PHACTR1: variants seen among roughly 807,000 people sequenced by gnomAD.
PHACTR1 encodes phosphatase and actin regulator 1, also known as RPEL repeat containing 1.
In PHACTR1, 16 loss-of-function variants were observed where a neutral mutation model predicts 69.2. The observed-to-expected ratio is 0.23, with a 90% CI of 0.16 to 0.35. The LOEUF (loss-of-function observed/expected upper bound fraction) is 0.35. Ranked by LOEUF, PHACTR1 falls within the 10% of genes least tolerant of loss-of-function variation. The probability of loss-of-function intolerance (pLI) is 1.00; values close to 1 mark genes in which losing one functional copy is unlikely to be tolerated. For missense variants in PHACTR1, 510 were observed against 734.7 expected (o/e 0.69, Z 3.54); for synonymous variants, 312 against 284.5 (o/e 1.10, Z -0.97).
chr6:13,272,738 G>C lies in PHACTR1; in HGVS notation c.1392-122G>C, dbSNP rs528126949. On this transcript the variant is annotated intron_variant, in intron 10 of 14. Coordinates refer to ENST00000332995, the MANE Select transcript of PHACTR1 (RefSeq NM_030948.6). ...TGGTGGCGAGAGTCAGTCTTTCAGA[G>C]CACAGGATGGAACAAGAACTCCAGC... is the stretch of plus-strand genomic sequence containing the variant. 3.3e-5 allele frequency: 53 copies of C among 1,609,684 alleles called. No homozygotes were observed. In the South Asian group the frequency reaches 5.5e-4, roughly 17 times the overall value.
chr6:12,871,395 T>G (rs1782012086), intron 4 of PHACTR1, among the ~76,000 whole-genome samples: 1 of 152,180 alleles, frequency 6.6e-6, no homozygotes, highest in Non-Finnish European at 1.5e-5. Flanking sequence ...ATCATGATCC[T>G]AAAAGAGATG....
At chr6:12,818,741 G>A (rs1221521004) in intron 4 of PHACTR1, among the ~76,000 whole-genome samples, 1 of 152,178 alleles carries the variant, frequency 6.6e-6, no homozygotes, top group Non-Finnish European at 1.5e-5. Flanking sequence ...AGAATACAGA[G>A]TCATCATCTG....
At position 13,174,815 on chromosome 6, in the gene PHACTR1, A is replaced by G. The variant is rs115116125; in HGVS notation, c.497-7704A>G. Among the ~76,000 whole-genome samples, 401 of 152,184 alleles carry G rather than the reference A, an allele frequency of 2.6e-3. 2 individuals are homozygous for G. Among genetic ancestry groups the G allele is most frequent in the African/African-American group, 9.3e-3 (385 of 41,512 alleles). The stretch of plus-strand genomic sequence containing the variant: ...TTCACACAAGTTATTTAACTTTCTA[A>G]TGTTCACTTTTCTCTAAACAATGAG... On this transcript the variant is annotated intron_variant, in intron 6 of 14. Coordinates refer to ENST00000332995, the MANE Select transcript of PHACTR1 (RefSeq NM_030948.6).
chr6:12,965,788 C>G (rs1432252262), intron 4 of PHACTR1, among the ~76,000 whole-genome samples: 2 of 152,186 alleles, frequency 1.3e-5, no homozygotes, highest in African/African-American at 4.8e-5. Flanking sequence ...TCAGTATTCA[C>G]TACTTCAGTG....
chr6:13,056,592 T>G (rs1027518143), intron 5 of PHACTR1, among the ~76,000 whole-genome samples: 1 of 152,218 alleles, frequency 6.6e-6, no homozygotes, highest in Admixed American at 6.5e-5. Context: ...AGGCAGTCTT[T>G]ATTCAACACC....
intron 4 of PHACTR1, among the ~76,000 whole-genome samples, chr6:12,923,975 C>T (rs930870710): frequency 6.6e-6 from 1 of 152,154 alleles, no homozygotes; most frequent in Non-Finnish European, 1.5e-5. Context: ...AGCTTCTGTT[C>T]GTGGTAATAA....
Position 13,228,026 on chromosome 6 carries a change from G to C in PHACTR1, c.1197G>C (p.Glu399Asp). 1.2e-6 allele frequency: 2 copies of C among 1,613,862 alleles called. No homozygotes were observed. Among genetic ancestry groups the C allele is most frequent in the African/African-American group, 2.7e-5 (2 of 75,064 alleles). Residue 399 changes from glutamate (E) to aspartate (D), a missense_variant, in exon 9 of 15, where the codon GAG (glutamate) becomes GAC (aspartate). Coordinates refer to ENST00000332995, the MANE Select transcript of PHACTR1 (RefSeq NM_030948.6). ...TGTATACAAGAGAAGAGGAGGAAGA[G>C]GAGGAGGACGAAGACGACGACAGCT... ...SCLYTREEEE[E>D]EEDEDDDSSL...
chr6:13,180,911 A>C (rs1019671440), intron 6 of PHACTR1, among the ~76,000 whole-genome samples: 49 of 152,088 alleles, frequency 3.2e-4, no homozygotes, highest in Admixed American at 9.2e-4. Flanking sequence ...TTGCTTTCTT[A>C]TTAATTAGTA....
chr6:13,107,917 C>T (rs774528124), intron 5 of PHACTR1, among the ~76,000 whole-genome samples: 12 of 151,762 alleles, frequency 7.9e-5, no homozygotes, highest in Non-Finnish European at 1.6e-4. Context: ...TTATTATTTC[C>T]TTTTCCTCTA....
At chr6:12,964,180 G>C (rs969846914) in intron 4 of PHACTR1, among the ~76,000 whole-genome samples, 5 of 152,114 alleles carry the variant, frequency 3.3e-5, no homozygotes, top group Non-Finnish European at 5.9e-5. Flanking sequence ...ATTATCTACT[G>C]TTCTAAAGAC....
chr6:12,725,226 T>C (rs1762629932), intron 3 of PHACTR1, among the ~76,000 whole-genome samples: 1 of 152,202 alleles, frequency 6.6e-6, no homozygotes, highest in South Asian at 2.1e-4. Flanking sequence ...TTTTGAGTCT[T>C]CAGCTTTGAG....
At chr6:12,866,154 T>C (rs1028374775) in intron 4 of PHACTR1, among the ~76,000 whole-genome samples, 1 of 152,188 alleles carries the variant, frequency 6.6e-6, no homozygotes, top group Admixed American at 6.5e-5. Flanking sequence ...ACCATAATGA[T>C]AATAATGCCA....
At chr6:13,185,749 C>A (rs1762752016) in intron 7 of PHACTR1, among the ~76,000 whole-genome samples, 1 of 152,204 alleles carries the variant, frequency 6.6e-6, no homozygotes, top group Non-Finnish European at 1.5e-5. Context: ...ATAATAGTTT[C>A]ACCTGATGCT....
chr6:12,911,345 C>CA (rs911052120), intron 4 of PHACTR1, among the ~76,000 whole-genome samples: 55 of 150,270 alleles, frequency 3.7e-4, no homozygotes, highest in African/African-American at 1.1e-3. Context: ...TTGTGTCTTC[C>CA]AAAAAAAAAG....
intron 10 of PHACTR1, among the ~76,000 whole-genome samples, chr6:13,257,987 G>T (rs914626606): frequency 6.6e-6 from 1 of 152,148 alleles, no homozygotes; most frequent in Non-Finnish European, 1.5e-5. Context: ...ACCACGCTGT[G>T]AGAAGCACTG....
intron 3 of PHACTR1, among the ~76,000 whole-genome samples, chr6:12,724,745 A>G (rs1762565921): frequency 6.6e-6 from 1 of 152,200 alleles, no homozygotes; most frequent in South Asian, 2.1e-4. Flanking sequence ...CACACAGCTT[A>G]AAAGAGGACA....
intron 4 of PHACTR1, among the ~76,000 whole-genome samples, chr6:12,936,546 C>T (rs1789473343): frequency 6.6e-6 from 1 of 152,202 alleles, no homozygotes; most frequent in Non-Finnish European, 1.5e-5. Context: ...TGACTGTTTA[C>T]ATCTGAGTGT....
chr6:13,281,072 G>A, intron 12 of PHACTR1: 1 of 1,289,604 alleles, frequency 7.8e-7, no homozygotes, highest in African/African-American at 1.5e-5. Context: ...TGGAAAGACG[G>A]TGTCCAAGGC....
At chr6:12,840,865 A>T (rs1043791476) in intron 4 of PHACTR1, among the ~76,000 whole-genome samples, 10 of 152,344 alleles carry the variant, frequency 6.6e-5, no homozygotes, top group Admixed American at 3.9e-4. Flanking sequence ...GGAAGTATTT[A>T]AGTGATGCTT....
Sources: gnomAD v4.1 joint callset for allele counts (sites outside exome capture counted in the v4.1 genomes callset) on GRCh38, gnomAD v4.1.1 for gene constraint, MANE v1.5 for transcripts, NCBI Gene and HGNC (gene_info 2026-07-23, HGNC 2026-07-21) for gene names.